CLASP1: variants seen among roughly 807,000 people sequenced by gnomAD.
The protein encoded by CLASP1 is cytoplasmic linker associated protein 1.
In CLASP1, 38 loss-of-function variants were observed where a neutral mutation model predicts 192.3. That is an observed-to-expected ratio of 0.20 (90% CI 0.15 to 0.26). The LOEUF is 0.26. Ranked by LOEUF, CLASP1 falls within the 10% of genes least tolerant of loss-of-function variation. CLASP1 has a pLI of 1.00. For synonymous variants in CLASP1, 691 were observed against 712.8 expected (o/e 0.97, Z 0.49); for missense variants, 1,433 against 1,932.5 (o/e 0.74, Z 4.85).
chr2:121,526,084 G>A (rs772615644), intron 5 of CLASP1, 164 bp from the exon 6 acceptor site: 20 of 622,178 alleles, frequency 3.2e-5, no homozygotes, highest in South Asian at 2.3e-4. Context: ...AAATGTGTCC[G>A]ATGGCCCCTT....
chr2:121,525,855 G>A (rs1392160892), exon 6 of CLASP1: 1 of 1,611,942 alleles, frequency 6.2e-7, no homozygotes, highest in Non-Finnish European at 8.5e-7. Context: ...CTGGCTGTTT[G>A]GATCTCCAAG....
chr2:121,373,438 G>A (rs868090632), intron 34 of CLASP1, among the ~76,000 whole-genome samples: 1 of 152,180 alleles, frequency 6.6e-6, no homozygotes, highest in African/African-American at 2.4e-5. Flanking sequence ...ATTGGTACCA[G>A]AAATGGGGTA....
rs368319856 is a variant in CLASP1, at chr2:121,500,883, G to A, written c.712+2284C>T. 2.1e-4 allele frequency among the ~76,000 whole-genome samples: 32 copies of A among 152,278 alleles called. No individual in the cohort carries two copies. The East Asian group carries it at 4.2e-3, about 20-fold the overall frequency. On this transcript the variant is annotated intron_variant, in intron 8 of 39. Coordinates refer to ENST00000263710, the Ensembl canonical transcript of CLASP1. ...TTTAGCATAGATGTTTAAAAGAACT[G>A]TTTCCATCCTCAACCCTAAACCTAT...
chr2:121,439,840 A>C (rs1490300060), intron 19 of CLASP1, among the ~76,000 whole-genome samples: 2 of 149,546 alleles, frequency 1.3e-5, no homozygotes, highest in Non-Finnish European at 3.0e-5. Flanking sequence ...AAGAACAAAA[A>C]GCCAAACACT....
Position 121,411,836 on chromosome 2 carries a change from T to C in CLASP1, c.2321-867A>G, listed in dbSNP as rs574335615. Among the ~76,000 whole-genome samples the C allele has an allele frequency of 2.6e-5, 4 of 152,312 alleles. No individual in the cohort carries two copies. The South Asian group carries it at 8.3e-4, about 32-fold the overall frequency. ...TATACTAGGAGAAAGGCAGTGTAAG[T>C]TGTATCTTCATTAAGTGTGTTGTAC... On this transcript the variant is annotated intron_variant, in intron 23 of 39. Coordinates refer to ENST00000263710, the Ensembl canonical transcript of CLASP1.
chr2:121,585,602 A>G (rs1040146631), intron 2 of CLASP1, among the ~76,000 whole-genome samples: 1 of 152,206 alleles, frequency 6.6e-6, no homozygotes, highest in Non-Finnish European at 1.5e-5. Flanking sequence ...AGCTCAGTCT[A>G]TAAAAATAAG....
intron 8 of CLASP1, among the ~76,000 whole-genome samples, chr2:121,486,479 T>G (rs1333387659): frequency 3.9e-5 from 6 of 152,202 alleles, no homozygotes; most frequent in African/African-American, 1.4e-4. Flanking sequence ...TTTCTCCCTT[T>G]GATCACAGTA....
At chr2:121,429,680 A>T (rs1272995887) in intron 20 of CLASP1, among the ~76,000 whole-genome samples, 2 of 152,210 alleles carry the variant, frequency 1.3e-5, no homozygotes, top group African/African-American at 2.4e-5. Context: ...GGATTTACTT[A>T]TTTACCACTG....
chr2:121,594,629 G>C (rs1433163902), intron 2 of CLASP1, among the ~76,000 whole-genome samples: 2 of 152,060 alleles, frequency 1.3e-5, no homozygotes, highest in Admixed American at 1.3e-4. Flanking sequence ...CTGACCTCGT[G>C]ATCTGCCCGC....
intron 2 of CLASP1, among the ~76,000 whole-genome samples, chr2:121,548,939 A>G (rs1559583775): frequency 6.6e-6 from 1 of 152,218 alleles, no homozygotes; most frequent in Non-Finnish European, 1.5e-5. Flanking sequence ...GTATTAATAT[A>G]GTAGAAAGGA....
chr2:121,518,725 A>C (rs1407000354), intron 6 of CLASP1, among the ~76,000 whole-genome samples: 1 of 148,246 alleles, frequency 6.7e-6, no homozygotes, highest in Non-Finnish European at 1.5e-5. Context: ...AAAAAAAAAA[A>C]CTTTAGCTGG....
At chr2:121,406,805 G>T (rs2076975275) in intron 25 of CLASP1, among the ~76,000 whole-genome samples, 1 of 152,040 alleles carries the variant, frequency 6.6e-6, no homozygotes, top group Non-Finnish European at 1.5e-5. Flanking sequence ...TGCCCAGGCT[G>T]GTCTCGAACT....
intron 32 of CLASP1, among the ~76,000 whole-genome samples, chr2:121,386,561 C>T (rs1457950872): frequency 1.3e-5 from 2 of 152,062 alleles, no homozygotes; most frequent in African/African-American, 4.8e-5. Flanking sequence ...TAAATCATTG[C>T]CTCAGCTTCT....
chr2:121,504,272 G>A (rs1173670203), intron 7 of CLASP1, among the ~76,000 whole-genome samples: 1 of 151,972 alleles, frequency 6.6e-6, no homozygotes, highest in Non-Finnish European at 1.5e-5. Flanking sequence ...TTTCTCACAG[G>A]TATACTGGAG....
At chr2:121,548,106 A>G (rs935681070) in intron 2 of CLASP1, among the ~76,000 whole-genome samples, 4 of 152,256 alleles carry the variant, frequency 2.6e-5, no homozygotes, top group African/African-American at 9.6e-5. Context: ...GAATATGGAT[A>G]GGAACCAAGA....
chr2:121,497,831 T>C (rs2093594202), intron 8 of CLASP1, among the ~76,000 whole-genome samples: 1 of 152,046 alleles, frequency 6.6e-6, no homozygotes, highest in Non-Finnish European at 1.5e-5. Flanking sequence ...GCGATTCTCC[T>C]GCCCCAGCCT....
intron 37 of CLASP1, among the ~76,000 whole-genome samples, chr2:121,349,779 G>C (rs539930832): frequency 1.3e-5 from 2 of 152,200 alleles, no homozygotes; most frequent in African/African-American, 4.8e-5. Flanking sequence ...CTGACCTCTG[G>C]AGGGCCACAA....
chr2:121,634,162 T>C (rs1408637207), intron 1 of CLASP1, among the ~76,000 whole-genome samples: 1 of 152,152 alleles, frequency 6.6e-6, no homozygotes, highest in African/African-American at 2.4e-5. Context: ...GCACGCTTAA[T>C]ACACAGAATA....
chr2:121,452,136 C>T (rs915018904), intron 14 of CLASP1, among the ~76,000 whole-genome samples: 1 of 152,178 alleles, frequency 6.6e-6, no homozygotes, highest in Non-Finnish European at 1.5e-5. Context: ...AAAGGACTTA[C>T]CACTGTCATT....
Sources: gnomAD v4.1 joint callset for allele counts (sites outside exome capture counted in the v4.1 genomes callset) on GRCh38, gnomAD v4.1.1 for gene constraint, MANE v1.5 for transcripts, NCBI Gene and HGNC (gene_info 2026-07-23, HGNC 2026-07-21) for gene names.